Variants in DPP6 observed in about 807,000 individuals in gnomAD.
The protein encoded by DPP6 is dipeptidyl peptidase like 6.
Under a neutral mutation model 122.6 loss-of-function variants are expected in DPP6, and 69 were observed. The ratio of observed to expected loss-of-function variants is 0.56; its 90% CI spans 0.46 to 0.69. DPP6 has a LOEUF of 0.69. Among genes scored for constraint, DPP6 ranks in the 30% least tolerant of loss-of-function variants. The probability of loss-of-function intolerance (pLI) is 0.00; values close to 1 mark genes in which losing one functional copy is unlikely to be tolerated. For missense variants in DPP6, 928 were observed against 1,116.9 expected (o/e 0.83, Z 2.41); for synonymous variants, 418 against 433.1 (o/e 0.97, Z 0.43).
In DPP6 at chr7:154,632,924, C is replaced by A. The variant is rs185666383; in HGVS notation, c.628-4897C>A. 2.0e-5 allele frequency among the ~76,000 whole-genome samples: 3 copies of A among 152,308 alleles called. No homozygotes were observed. In the East Asian group the frequency reaches 5.8e-4, roughly 29 times the overall value. On this transcript the variant is annotated intron_variant, in intron 5 of 25. Transcript: ENST00000377770. ...AACTCACCCTGTGACAAATCCTCAA[C>A]TGCTTTCTAAAAAATTATTGAATGC...
intron 10 of DPP6, among the ~76,000 whole-genome samples, chr7:154,792,609 A>G (rs1362529912): frequency 6.6e-6 from 1 of 152,188 alleles, no homozygotes; most frequent in Non-Finnish European, 1.5e-5. Context: ...GATGGAGAGC[A>G]GGGGGGAGGG....
At chr7:154,458,436 A>G (rs1820992036) in intron 2 of DPP6, among the ~76,000 whole-genome samples, 1 of 152,140 alleles carries the variant, frequency 6.6e-6, no homozygotes, top group South Asian at 2.1e-4. Context: ...TTCTTTATAA[A>G]TTACCCAGTC....
At chr7:154,709,265 G>T (rs1841016009) in intron 7 of DPP6, among the ~76,000 whole-genome samples, 1 of 152,194 alleles carries the variant, frequency 6.6e-6, no homozygotes, top group Non-Finnish European at 1.5e-5. Flanking sequence ...CTGCAGTCTT[G>T]ACCTGCTGGA....
intron 8 of DPP6, among the ~76,000 whole-genome samples, chr7:154,749,417 G>A (rs547374440): frequency 2.7e-5 from 4 of 149,702 alleles, no homozygotes; most frequent in African/African-American, 9.9e-5. Flanking sequence ...GAGAGAGGGT[G>A]AGGGAGCATA....
Position 154,021,138 on chromosome 7 carries a change from G to A in DPP6, c.51+133404G>A, listed in dbSNP as rs144332512. Reference sequence around the variant, plus strand: ...GACGAGGACCCATCCCATCATCAGCGGTGCCAACGCTTACATTGCAGCACC... The same window carrying A: ...GACGAGGACCCATCCCATCATCAGCAGTGCCAACGCTTACATTGCAGCACC... On this transcript the variant is annotated intron_variant, in intron 1 of 25. Transcript: ENST00000404039. 2.7e-3 allele frequency among the ~76,000 whole-genome samples: 408 copies of A among 152,162 alleles called. 3 individuals carry two copies. Among genetic ancestry groups the A allele is most frequent in the Non-Finnish European group, 3.7e-3 (251 of 68,012 alleles).
At chr7:154,386,546 G>A (rs571072158) in intron 1 of DPP6, among the ~76,000 whole-genome samples, 7 of 152,182 alleles carry the variant, frequency 4.6e-5, no homozygotes, top group Middle Eastern at 3.4e-3. Flanking sequence ...TGATGAGAAC[G>A]AGATCTAGAA....
intron 1 of DPP6, among the ~76,000 whole-genome samples, chr7:154,061,663 C>T (rs1292736325): frequency 7.0e-6 from 1 of 142,558 alleles, no homozygotes; most frequent in East Asian, 2.0e-4. Flanking sequence ...GAGCCAACCC[C>T]TCTTCCCCCC....
At chr7:154,253,550 T>A (rs1802481026) in intron 1 of DPP6, among the ~76,000 whole-genome samples, 1 of 152,246 alleles carries the variant, frequency 6.6e-6, no homozygotes, top group African/African-American at 2.4e-5. Context: ...TGATTTCACA[T>A]ATCACGATTT....
the DPP6 span, among the ~76,000 whole-genome samples, chr7:153,866,992 C>A: frequency 6.6e-6 from 1 of 152,288 alleles, no homozygotes; most frequent in African/African-American, 2.4e-5. Flanking sequence ...GGGCTCTGTT[C>A]TGTTCCATTG....
chr7:154,634,281 G>A lies in DPP6; in HGVS notation c.628-3540G>A, dbSNP rs531420303. On this transcript the variant is annotated intron_variant, in intron 5 of 25. Transcript: ENST00000377770. ...GCGGTGTTTGGTTTTTTGTCCTTGCGCTAGTTTGCTGAGAATGATGGTTTC... is the reference window on the plus strand; with the variant it reads ...GCGGTGTTTGGTTTTTTGTCCTTGCACTAGTTTGCTGAGAATGATGGTTTC... 4.0e-5 allele frequency among the ~76,000 whole-genome samples: 6 copies of A among 150,264 alleles called. No homozygotes were observed. The South Asian group carries it at 8.4e-4, about 21-fold the overall frequency.
rs142768285 is a variant in DPP6 at position 154,383,216 on chromosome 7, C to G, written c.244-62998C>G. Among the ~76,000 whole-genome samples the G allele has an allele frequency of 9.9e-4, 151 of 152,340 alleles. 1 individual carries two copies. The highest frequency in any genetic ancestry group is 3.1e-3 in the East Asian group (16 of 5,188). The stretch of plus-strand genomic sequence containing the variant: ...CAATCAGAAAACTATTAATATATAA[C>G]AGGCTGAAGTGGAAATGTGAATGAG... On this transcript the variant is annotated intron_variant, in intron 1 of 25. Coordinates refer to ENST00000377770, the MANE Select transcript of DPP6 (RefSeq NM_130797.4).
chr7:154,448,647 T>A lies in DPP6; in HGVS notation c.358+2319T>A, dbSNP rs1280088610. On this transcript the variant is annotated intron_variant, in intron 2 of 25. Coordinates refer to ENST00000377770, the MANE Select transcript of DPP6 (RefSeq NM_130797.4). ...AATCTCAAAAAACAATTCAAAGACT[T>A]ATACCTCCTGATTTTAAAACTTACT... 2.0e-5 allele frequency among the ~76,000 whole-genome samples: 3 copies of A among 152,186 alleles called. No individual in the cohort carries two copies. In the East Asian group the frequency reaches 5.8e-4, roughly 29 times the overall value.
chr7:153,790,844 G>A, the DPP6 span, among the ~76,000 whole-genome samples: 1 of 152,184 alleles, frequency 6.6e-6, no homozygotes, highest in African/African-American at 2.4e-5. Context: ...GAAGGAAGAT[G>A]GAGAAGGAAA....
chr7:153,906,712 A>G (rs1799867890), intron 1 of DPP6, among the ~76,000 whole-genome samples: 1 of 152,218 alleles, frequency 6.6e-6, no homozygotes, highest in Non-Finnish European at 1.5e-5. Flanking sequence ...TCAGGCAGCT[A>G]GGGTGTGAGG....
At chr7:154,038,115 A>C (rs1207758852) in intron 1 of DPP6, among the ~76,000 whole-genome samples, 1 of 148,498 alleles carries the variant, frequency 6.7e-6, no homozygotes, top group African/African-American at 2.6e-5. Flanking sequence ...TAATAGAAAC[A>C]CAGACTTGCC....
intron 4 of DPP6, among the ~76,000 whole-genome samples, chr7:154,560,882 TA>T (rs199932364): frequency 0.12 from 15,361 of 127,678 alleles, 1,517 homozygotes; most frequent in East Asian, 0.42. Context: ...GACTCCGTCT[TA>T]AAAAAAAAAA....
intron 5 of DPP6, among the ~76,000 whole-genome samples, chr7:154,574,334 TTGTG>T (rs1294890953): frequency 7.4e-6 from 1 of 135,798 alleles, no homozygotes; most frequent in Admixed American, 7.4e-5. Context: ...TGTGTGTGGT[TTGTG>T]TGTGGTATGT....
intron 1 of DPP6, among the ~76,000 whole-genome samples, chr7:154,358,906 A>G (rs553473215): frequency 2.6e-5 from 4 of 152,248 alleles, no homozygotes; most frequent in East Asian, 1.9e-4. Context: ...AGGTTTCCCT[A>G]TGCTGACCAG....
intron 1 of DPP6, among the ~76,000 whole-genome samples, chr7:154,111,744 C>G (rs188222496): frequency 6.8e-4 from 104 of 151,872 alleles, no homozygotes; most frequent in Non-Finnish European, 4.4e-5. Flanking sequence ...AACCTGAAAT[C>G]CCATCTGAAT....
Sources: allele counts gnomAD v4.1 joint callset (sites outside exome capture counted in the v4.1 genomes callset), GRCh38; gene constraint gnomAD v4.1.1; transcripts MANE v1.5; gene names NCBI Gene and HGNC (gene_info 2026-07-23, HGNC 2026-07-21).